ZNF765: variants seen among roughly 807,000 people sequenced by gnomAD.
ZNF765 encodes the protein zinc finger protein 765.
A neutral mutation model predicts 44.7 loss-of-function variants in ZNF765; 37 were observed. The ratio of observed to expected loss-of-function variants is 0.83; its 90% confidence interval spans 0.64 to 1.09. The LOEUF (loss-of-function observed/expected upper bound fraction) is 1.09, where lower values mean the gene tolerates loss of function less well. ZNF765 is among the 50% of genes least tolerant of loss of function. The pLI is 0.00. For synonymous variants in ZNF765, 201 were observed against 213.7 expected, an observed-to-expected ratio of 0.94 and a Z score of 0.52; for missense variants, 594 against 626.1, an observed-to-expected ratio of 0.95 and a Z score of 0.55.
In ZNF765 at chr19:53,395,562, C is replaced by G. The variant is rs28578198; in HGVS notation, c.-74+369C>G. ...TCGTTGGCAGCTGGACGCAGCGCGG[C>G]GGCCCCAGCCCCAAGGAGGCCGCGT... On this transcript the variant is annotated intron_variant, in intron 1 of 3. Coordinates refer to ENST00000396408, the MANE Select transcript of ZNF765 (RefSeq NM_001040185.3). 5.8e-3 allele frequency among the ~76,000 whole-genome samples: 877 copies of G among 152,372 alleles called. 10 individuals carry two copies. Among genetic ancestry groups the G allele is most frequent in the African/African-American group, 0.02 (828 of 41,584 alleles).
chr19:53,396,421 G>C (rs145882858), intron 1 of ZNF765, among the ~76,000 whole-genome samples: 2 of 151,716 alleles, frequency 1.3e-5, no homozygotes, highest in South Asian at 2.1e-4. Context: ...TTTCAACAAA[G>C]ACAGAGTGGG....
chr19:53,420,356 TG>T (rs1362161098), intron 3 of ZNF765, among the ~76,000 whole-genome samples: 1 of 152,048 alleles, frequency 6.6e-6, no homozygotes, highest in African/African-American at 2.4e-5. Context: ...AATAAATAAA[TG>T]TAATCAAATC....
chr19:53,411,485 T>C lies in ZNF765; in HGVS notation c.*2358T>C, dbSNP rs2085833543. ...TTTTGTATTTTTAGTAGAGATGGGGTTTCTCCATGTTGGTTAGGCTGGTCT... is the reference window on the plus strand; with the variant it reads ...TTTTGTATTTTTAGTAGAGATGGGGCTTCTCCATGTTGGTTAGGCTGGTCT... On this transcript the variant is annotated 3_prime_UTR_variant, in exon 4 of 4. Transcript: ENST00000396408. The C allele has an allele frequency of 6.6e-6, 1 of 152,036 alleles. No individual in the cohort carries two copies. Among genetic ancestry groups the C allele is most frequent in the Non-Finnish European group, 1.5e-5 (1 of 68,214 alleles). 9.4% of individuals were successfully genotyped at this position (152,036 alleles called of 1,614,324 possible). A position where few individuals can be genotyped will look rare whatever the true frequency, so the allele number is the denominator to read the frequency against.
At position 53,409,895 on chromosome 19, in the gene ZNF765, C is replaced by T; in HGVS notation, c.*768C>T. 1.6e-6 allele frequency: 1 copy of T among 639,288 alleles called. No individual in the cohort carries two copies. Among genetic ancestry groups the T allele is most frequent in the Non-Finnish European group, 3.0e-6 (1 of 330,216 alleles). The allele number at this position is 639,288 out of a possible 1,614,324, so 39.6% of individuals were successfully genotyped here. ...GGATAATGAGTGTAGAAAAACCTTT[C>T]ATGGGCAGTCAGCATTTTACAAATG... On this transcript the variant is annotated 3_prime_UTR_variant, in exon 4 of 4. Transcript: ENST00000396408.
chr19:53,418,961 C>T (rs1039470628), intron 3 of ZNF765, among the ~76,000 whole-genome samples: 3 of 137,230 alleles, frequency 2.2e-5, no homozygotes, highest in African/African-American at 5.3e-5. Context: ...TCAAGAAAAG[C>T]GAATCTTAGG....
chr19:53,409,616 C>G lies in ZNF765; in HGVS notation c.*489C>G, dbSNP rs866677212. ...GAATTCATACTGGAGAGAAACCATACAAGTGTAATGAGTGTGGCAAGACCT... is the reference window on the plus strand; with the variant it reads ...GAATTCATACTGGAGAGAAACCATAGAAGTGTAATGAGTGTGGCAAGACCT... On this transcript the variant is annotated 3_prime_UTR_variant, in exon 4 of 4. Transcript: ENST00000396408. 5 of 1,464,240 alleles carry G rather than the reference C, an allele frequency of 3.4e-6. No individual in the cohort carries two copies. The Admixed American group carries it at 5.1e-5, about 15-fold the overall frequency. The allele number at this position is 1,464,240 out of a possible 1,614,324, so 90.7% of individuals were successfully genotyped here.
Position 53,408,778 on chromosome 19 carries a change from A to C in ZNF765, c.1223A>C (p.Glu408Ala). 6.2e-7 allele frequency: 1 copy of C among 1,614,220 alleles called. No individual in the cohort carries two copies. The highest frequency in any genetic ancestry group is 8.5e-7 in the Non-Finnish European group (1 of 1,180,034). ...LTYHRRLHTE[E>A]KPYKCNECGK... ...TACCATCGTAGACTTCATACTGAAG[A>C]GAAACCTTACAAGTGTAATGAGTGT... is the stretch of plus-strand genomic sequence containing the variant. Residue 408 changes from glutamate to alanine, a missense_variant, in exon 4 of 4, where the codon GAG (glutamate) becomes GCG (alanine). Glu to Ala is a moderately radical substitution (Grantham distance 107). Around this residue, in one of 2 missense-constraint regions of ZNF765, gnomAD observed 567 missense variants for 572.6 expected, o/e 0.99. Transcript: ENST00000396408.
intron 1 of ZNF765, among the ~76,000 whole-genome samples, chr19:53,396,680 G>T (rs1443388297): frequency 6.6e-6 from 1 of 152,104 alleles, no homozygotes; most frequent in Non-Finnish European, 1.5e-5. Flanking sequence ...AACTGTCCTT[G>T]AAGTGAGCTT....
At chr19:53,404,782 G>A (rs551777122) in intron 3 of ZNF765, among the ~76,000 whole-genome samples, 12 of 152,260 alleles carry the variant, frequency 7.9e-5, no homozygotes, top group African/African-American at 2.4e-4. Context: ...TTTAAAACAC[G>A]TAATTGCTAT....
At chr19:53,396,713 C>G (rs543327595) in intron 1 of ZNF765, among the ~76,000 whole-genome samples, 1 of 152,226 alleles carries the variant, frequency 6.6e-6, no homozygotes. Flanking sequence ...AAAACTTGTT[C>G]TTCTTTTCTT....
Position 53,402,274 on chromosome 19 carries a change from T to G in ZNF765, c.142+83T>G, listed in dbSNP as rs1381315845. The G allele has an allele frequency of 9.2e-5, 95 of 1,029,238 alleles. 1 individual carries two copies. In the South Asian group the frequency reaches 1.0e-3, roughly 11 times the overall value. The allele number at this position is 1,029,238 out of a possible 1,614,324, so 63.8% of individuals were successfully genotyped here. On this transcript the variant is annotated intron_variant, in intron 3 of 3. Transcript: ENST00000396408. ...TTTTTTTTTTTTTTTTTTTTTTTTT[T>G]GAGATGGAGTCTCGCTCTGTCGCCC...
At chr19:53,395,736 G>A (rs1358597736) in intron 1 of ZNF765, among the ~76,000 whole-genome samples, 1 of 152,210 alleles carries the variant, frequency 6.6e-6, no homozygotes, top group Non-Finnish European at 1.5e-5. Flanking sequence ...GGAGGTGCCC[G>A]GGGCCTGTCC....
At position 53,408,107 on chromosome 19, in the gene ZNF765, T is replaced by C. The variant is rs1488248818; in HGVS notation, c.552T>C (p.Pro184=). The change falls in exon 4 of 4, where the codon CCT becomes CCC. Residue 184 remains proline (P), a synonymous_variant. Coordinates refer to ENST00000396408, the MANE Select transcript of ZNF765 (RefSeq NM_001040185.3). ...CAGCCCAAAGAATTTCTTGTAGGCC[T>C]GAAACCCATATTTCTAATGACTATG... ...VSTAQRISCR[P]ETHISNDYGN... 1.2e-6 allele frequency: 2 copies of C among 1,614,132 alleles called. No individual in the cohort carries two copies. The highest frequency in any genetic ancestry group is 4.5e-5 in the East Asian group (2 of 44,874).
intron 3 of ZNF765, among the ~76,000 whole-genome samples, chr19:53,403,651 C>T (rs2085748991): frequency 6.6e-6 from 1 of 152,212 alleles, no homozygotes; most frequent in Non-Finnish European, 1.5e-5. Context: ...CAAAACCAGC[C>T]TGCCTAACAT....
chr19:53,412,916 G>A (rs548701196), downstream of ZNF765, among the ~76,000 whole-genome samples: 1 of 152,002 alleles, frequency 6.6e-6, no homozygotes, highest in African/African-American at 2.4e-5. Context: ...TCGAGAACAG[G>A]CTGGTTAACA....
intron 3 of ZNF765, among the ~76,000 whole-genome samples, chr19:53,405,153 A>G (rs550751031): frequency 1.3e-5 from 2 of 152,240 alleles, no homozygotes; most frequent in East Asian, 3.9e-4. Context: ...GGAGTTCAAG[A>G]CCAGCCTGGC....
chr19:53,400,406 C>T (rs977934424), intron 2 of ZNF765, among the ~76,000 whole-genome samples: 2 of 151,992 alleles, frequency 1.3e-5, no homozygotes, highest in Non-Finnish European at 2.9e-5. Context: ...CTCACGATTC[C>T]TCCAGGTCAG....
rs1404184210 is a variant in ZNF765 at position 53,408,605 on chromosome 19, T to C, written c.1050T>C (p.Thr350=). The C allele has an allele frequency of 6.2e-7, 1 of 1,613,830 alleles. No individual in the cohort carries two copies. The highest frequency in any genetic ancestry group is 2.2e-5 in the East Asian group (1 of 44,882). Residue 350 remains threonine, a synonymous_variant, in exon 4 of 4, where the codon ACT becomes ACC. Coordinates refer to ENST00000396408, the MANE Select transcript of ZNF765 (RefSeq NM_001040185.3). ...TTACATGCCATCGTAGGCTTCATAC[T>C]GGAGAGAAACCTTACAAGTGTAATG... ...SYLTCHRRLH[T]GEKPYKCNEC...
chr19:53,414,711 T>C (rs1305405087), downstream of ZNF765, among the ~76,000 whole-genome samples: 4 of 148,548 alleles, frequency 2.7e-5, no homozygotes, highest in African/African-American at 9.9e-5. Flanking sequence ...TATTCTAAGG[T>C]CTGTTATCAG....
Sources: allele counts gnomAD v4.1 joint callset (sites outside exome capture counted in the v4.1 genomes callset), GRCh38; gene constraint gnomAD v4.1.1; regional missense constraint gnomAD v4.1.1; transcripts MANE v1.5; gene names NCBI Gene and HGNC (gene_info 2026-07-23, HGNC 2026-07-21).